LARGE1: variants seen among roughly 807,000 people sequenced by gnomAD.
LARGE1 encodes the protein LARGE xylosyl- and glucuronyltransferase 1.
In LARGE1, 43 loss-of-function variants were observed where a neutral mutation model predicts 87.6. The observed-to-expected ratio is 0.49, with a 90% CI of 0.38 to 0.63. LARGE1 has a LOEUF of 0.63. LARGE1 is among the 30% of genes least tolerant of loss of function. LARGE1 has a pLI of 0.00. For missense variants in LARGE1, 802 were observed against 1,000.2 expected, an observed-to-expected ratio of 0.80 and a Z score of 2.67; for synonymous variants, 434 against 394.6, an observed-to-expected ratio of 1.10 and a Z score of -1.18.
intron 4 of LARGE1, among the ~76,000 whole-genome samples, chr22:33,606,686 C>T (rs554119459): frequency 6.6e-6 from 1 of 152,224 alleles, no homozygotes; most frequent in South Asian, 2.1e-4. Context: ...ACTGAGTACA[C>T]CCTATTTGTC....
intron 2 of LARGE1, among the ~76,000 whole-genome samples, chr22:33,716,267 A>G (rs2082904677): frequency 6.6e-6 from 1 of 152,226 alleles, no homozygotes; most frequent in African/African-American, 2.4e-5. Flanking sequence ...TATTTAGGAT[A>G]TATTTATACT....
chr22:33,805,291 C>T (rs1321413409), intron 1 of LARGE1, among the ~76,000 whole-genome samples: 2 of 152,060 alleles, frequency 1.3e-5, no homozygotes, highest in East Asian at 1.9e-4. Context: ...AACAACTGTC[C>T]TAGTTTCCTA....
chr22:33,490,675 T>A (rs2148284326), intron 6 of LARGE1, among the ~76,000 whole-genome samples: 2 of 152,310 alleles, frequency 1.3e-5, no homozygotes, highest in South Asian at 4.1e-4. Flanking sequence ...CCCGGCTCAC[T>A]AAAGAGAAGG....
At chr22:33,127,266 G>C in the LARGE1 span, among the ~76,000 whole-genome samples, 4,970 of 152,224 alleles carry the variant, frequency 0.033, 163 homozygotes, top group African/African-American at 0.075. Flanking sequence ...CCAGGTGTCC[G>C]TGAGACAATG....
chr22:33,337,766 C>T lies in LARGE1; in HGVS notation c.1167G>A (p.Val389=), dbSNP rs757221172. The part of the protein sequence containing the change: ...IHWNSPKKLR[V]KNKHVEFFRN... ...GAAAAAACTCCACATGCTTGTTCTT[C>T]ACCCGGAGCTTCTTGGGGGAGTTCC... The change falls in exon 10 of 15, where the codon GTG becomes GTA. Residue 389 remains valine (V), a synonymous_variant. Coordinates refer to ENST00000397394, the MANE Select transcript of LARGE1 (RefSeq NM_133642.5). 1 of 1,614,210 alleles carries T rather than the reference C, an allele frequency of 6.2e-7. No homozygotes were observed. Among genetic ancestry groups the T allele is most frequent in the Admixed American group, 1.7e-5 (1 of 60,026 alleles).
At position 33,335,632 on chromosome 22, in the gene LARGE1, C is replaced by T. The variant is rs1177216866; in HGVS notation, c.1287+2014G>A. Among the ~76,000 whole-genome samples, 3 of 152,176 alleles carry T rather than the reference C, an allele frequency of 2.0e-5. No homozygotes were observed. In the East Asian group the frequency reaches 5.8e-4, roughly 29 times the overall value. ...TGAAATCCAACATACAACCTCCTAC[C>T]AATCTGGCTCCTGCCTACCTGAGCC... On this transcript the variant is annotated intron_variant, in intron 10 of 14. Coordinates refer to ENST00000397394, the MANE Select transcript of LARGE1 (RefSeq NM_133642.5).
chr22:33,707,617 A>G (rs1022368011), intron 2 of LARGE1, among the ~76,000 whole-genome samples: 1 of 152,264 alleles, frequency 6.6e-6, no homozygotes, highest in Non-Finnish European at 1.5e-5. Flanking sequence ...GGAACTTTCT[A>G]AAATATCAAG....
At chr22:33,803,292 T>G (rs764437435) in intron 1 of LARGE1, among the ~76,000 whole-genome samples, 10 of 152,146 alleles carry the variant, frequency 6.6e-5, no homozygotes, top group Non-Finnish European at 1.5e-4. Context: ...TTCATCTCTG[T>G]AGCTTCCATA....
At chr22:33,143,825 A>G in the LARGE1 span, among the ~76,000 whole-genome samples, 1 of 152,174 alleles carries the variant, frequency 6.6e-6, no homozygotes, top group Admixed American at 6.5e-5. Flanking sequence ...AAGAGTATGA[A>G]TAACAAAATC....
chr22:33,070,333 C>A, the LARGE1 span, among the ~76,000 whole-genome samples: 3 of 152,092 alleles, frequency 2.0e-5, no homozygotes, highest in Non-Finnish European at 4.4e-5. Context: ...ATGTATAGAA[C>A]AATGGTTTGC....
intron 11 of LARGE1, among the ~76,000 whole-genome samples, chr22:33,192,515 T>C (rs1923837331): frequency 6.6e-6 from 1 of 152,192 alleles, no homozygotes; most frequent in Non-Finnish European, 1.5e-5. Context: ...AAAAAAAATC[T>C]GGTTGTTTAC....
intron 11 of LARGE1, among the ~76,000 whole-genome samples, chr22:33,306,216 C>T (rs1015347352): frequency 2.0e-5 from 3 of 152,198 alleles, no homozygotes; most frequent in African/African-American, 7.2e-5. Flanking sequence ...TACTAGACTT[C>T]TGCTGTGGGG....
At chr22:33,210,053 G>C (rs1454809418) in intron 11 of LARGE1, among the ~76,000 whole-genome samples, 1 of 152,206 alleles carries the variant, frequency 6.6e-6, no homozygotes, top group Non-Finnish European at 1.5e-5. Context: ...AGAAGTTCTT[G>C]AGGGTGGGAC....
At chr22:33,170,749 T>A (rs1056284124) in intron 11 of LARGE1, among the ~76,000 whole-genome samples, 2 of 152,200 alleles carry the variant, frequency 1.3e-5, no homozygotes, top group Non-Finnish European at 2.9e-5. Flanking sequence ...CATCTTGGTA[T>A]CTTTATAACA....
intron 2 of LARGE1, among the ~76,000 whole-genome samples, chr22:33,656,664 T>C (rs985741495): frequency 6.6e-6 from 1 of 152,234 alleles, no homozygotes; most frequent in Non-Finnish European, 1.5e-5. Context: ...ATACACAGTC[T>C]ATGTATGAAC....
At chr22:33,533,313 C>T (rs1184636292) in intron 6 of LARGE1, among the ~76,000 whole-genome samples, 1 of 152,128 alleles carries the variant, frequency 6.6e-6, no homozygotes. Context: ...GCTGGGTGGC[C>T]CTGTCCATGC....
chr22:33,717,562 A>G (rs2082949501), intron 2 of LARGE1, among the ~76,000 whole-genome samples: 1 of 152,238 alleles, frequency 6.6e-6, no homozygotes, highest in Admixed American at 6.5e-5. Context: ...GTAAAGATCA[A>G]TAAATCCACT....
chr22:33,879,098 G>A (rs1276911814), intron 1 of LARGE1, among the ~76,000 whole-genome samples: 2 of 151,782 alleles, frequency 1.3e-5, no homozygotes, highest in Non-Finnish European at 2.9e-5. Context: ...TCAGCCTCCC[G>A]AGTAGCTGGG....
At position 33,574,147 on chromosome 22, in the gene LARGE1, A is replaced by G. The variant is rs918300367; in HGVS notation, c.616-9128T>C. Reference sequence around the variant, plus strand: ...TGCCATCTTGGAAACTGGCTACCACATCTGTAATTATAGAATGTTATGAAC... The same window carrying G: ...TGCCATCTTGGAAACTGGCTACCACGTCTGTAATTATAGAATGTTATGAAC... On this transcript the variant is annotated intron_variant, in intron 5 of 14. Coordinates refer to ENST00000397394, the MANE Select transcript of LARGE1 (RefSeq NM_133642.5). 9.8e-5 allele frequency among the ~76,000 whole-genome samples: 15 copies of G among 152,342 alleles called. No individual in the cohort carries two copies. In the Middle Eastern group the frequency reaches 0.014, roughly 138 times the overall value.
Sources: allele counts gnomAD v4.1 joint callset (sites outside exome capture counted in the v4.1 genomes callset), GRCh38; gene constraint gnomAD v4.1.1; transcripts MANE v1.5; gene names NCBI Gene and HGNC (gene_info 2026-07-23, HGNC 2026-07-21).